Variants in MEIOB observed in about 807,000 individuals in gnomAD.
MEIOB encodes meiosis specific with OB-fold.
MEIOB carries 50 observed loss-of-function variants against 53.1 expected under a neutral mutation model. The ratio of observed to expected loss-of-function variants is 0.94; its 90% CI spans 0.75 to 1.19. The LOEUF (loss-of-function observed/expected upper bound fraction) is 1.19. Ranked by LOEUF, MEIOB falls within the 50% of genes most tolerant of loss-of-function variation. MEIOB has a pLI of 0.00. For missense variants in MEIOB, 551 were observed against 550.8 expected (o/e 1.00, Z 0.00); for synonymous variants, 192 against 182.5 (o/e 1.05, Z -0.42).
intron 1 of MEIOB, among the ~76,000 whole-genome samples, chr16:1,870,355 G>C (rs901175668): frequency 6.6e-6 from 1 of 152,142 alleles, no homozygotes; most frequent in African/African-American, 2.4e-5. Context: ...AAAATTGTAA[G>C]CTACACCAAA....
At chr16:1,838,831 A>G (rs570510463) in intron 12 of MEIOB, among the ~76,000 whole-genome samples, 65 of 152,254 alleles carry the variant, frequency 4.3e-4, no homozygotes, top group Non-Finnish European at 7.6e-4. Flanking sequence ...AGCTAGGATT[A>G]CAAGTGCACG....
intron 1 of MEIOB, among the ~76,000 whole-genome samples, chr16:1,869,340 G>C (rs996501768): frequency 6.6e-6 from 1 of 151,958 alleles, no homozygotes. Flanking sequence ...GGCCAGGCTG[G>C]TCTTGAACTC....
At chr16:1,835,278 TATAAC>T (rs955728916) in intron 13 of MEIOB, among the ~76,000 whole-genome samples, 10 of 150,886 alleles carry the variant, frequency 6.6e-5, no homozygotes, top group African/African-American at 2.4e-4. Flanking sequence ...AAAAAAAAAG[TATAAC>T]ATATGAAAAA....
At position 1,868,768 on chromosome 16, in the gene MEIOB, T is replaced by C. The variant is rs548848926; in HGVS notation, c.-9-584A>G. On this transcript the variant is annotated intron_variant, in intron 1 of 13. Transcript: ENST00000325962. Reference sequence around the variant, plus strand: ...TACTCGGGAGGCTGAGGCAGGAGAATGGCGTGAACCCGGGAGGCGGAGCTT... The same window carrying C: ...TACTCGGGAGGCTGAGGCAGGAGAACGGCGTGAACCCGGGAGGCGGAGCTT... Among the ~76,000 whole-genome samples, 28 of 149,668 alleles carry C rather than the reference T, an allele frequency of 1.9e-4. No homozygotes were observed. The South Asian group carries it at 4.3e-3, about 23-fold the overall frequency.
intron 13 of MEIOB, among the ~76,000 whole-genome samples, chr16:1,835,383 T>TA (rs1055662848): frequency 6.6e-6 from 1 of 152,278 alleles, no homozygotes; most frequent in East Asian, 1.9e-4. Flanking sequence ...TATGATGACA[T>TA]AATTTAATAA....
Position 1,853,027 on chromosome 16 carries a change from A to C in MEIOB, c.778+12T>G, listed in dbSNP as rs1899209858. 1 of 1,568,196 alleles carries C rather than the reference A, an allele frequency of 6.4e-7. No individual in the cohort carries two copies. The highest frequency in any genetic ancestry group is 1.4e-5 in the African/African-American group (1 of 73,942). The stretch of plus-strand genomic sequence containing the variant: ...TTTCCAAAGGGATAAAAGGTTTCAC[A>C]AAGTTTTTTACCTGGATTAGTTGTA... On this transcript the variant is annotated intron_variant, in intron 9 of 13. Coordinates refer to ENST00000325962, the MANE Select transcript of MEIOB (RefSeq NM_001163560.3).
Position 1,851,091 on chromosome 16 carries a change from C to T in MEIOB, c.778+1948G>A, listed in dbSNP as rs1017258400. On this transcript the variant is annotated intron_variant, in intron 9 of 13. Coordinates refer to ENST00000325962, the MANE Select transcript of MEIOB (RefSeq NM_001163560.3). Reference sequence around the variant, plus strand: ...GCAGTCAGAGCAAACCTCTCAGAGCCGAGTCAGATGCTGTCACCGCTCTGC... The same window carrying T: ...GCAGTCAGAGCAAACCTCTCAGAGCTGAGTCAGATGCTGTCACCGCTCTGC... Among the ~76,000 whole-genome samples, 6 of 152,096 alleles carry T rather than the reference C, an allele frequency of 3.9e-5. No homozygotes were observed. In the East Asian group the frequency reaches 5.8e-4, roughly 15 times the overall value.
intron 6 of MEIOB, among the ~76,000 whole-genome samples, chr16:1,856,068 C>T (rs1247275315): frequency 6.6e-6 from 1 of 151,932 alleles, no homozygotes; most frequent in Non-Finnish European, 1.5e-5. Context: ...CATCTCAGCT[C>T]ATTGCAACCT....
chr16:1,857,366 T>C (rs1192069211), intron 6 of MEIOB, among the ~76,000 whole-genome samples: 1 of 152,210 alleles, frequency 6.6e-6, no homozygotes, highest in African/African-American at 2.4e-5. Context: ...AACTGATCCC[T>C]TAACTTATTC....
At chr16:1,863,467 A>C (rs1387605125) in intron 3 of MEIOB, among the ~76,000 whole-genome samples, 3 of 151,036 alleles carry the variant, frequency 2.0e-5, no homozygotes, top group African/African-American at 2.4e-5. Flanking sequence ...GCTCACAGCA[A>C]CCTCTGCCTC....
At position 1,845,846 on chromosome 16, in the gene MEIOB, C is replaced by A. The variant is rs568851421; in HGVS notation, c.779-883G>T. ...CATGATGCCCTTGGACCCCAGGACC[C>A]CAGCCTCCGGCATATGATTAAGTAC... is the stretch of plus-strand genomic sequence containing the variant. On this transcript the variant is annotated intron_variant, in intron 9 of 13. Coordinates refer to ENST00000325962, the MANE Select transcript of MEIOB (RefSeq NM_001163560.3). 3.3e-5 allele frequency among the ~76,000 whole-genome samples: 5 copies of A among 152,188 alleles called. No individual in the cohort carries two copies. The South Asian group carries it at 1.0e-3, about 32-fold the overall frequency.
chr16:1,851,967 C>T (rs1899182158), intron 9 of MEIOB, among the ~76,000 whole-genome samples: 1 of 152,178 alleles, frequency 6.6e-6, no homozygotes, highest in African/African-American at 2.4e-5. Context: ...TCCCTCATCT[C>T]CCCAATCTGG....
At chr16:1,857,259 C>G (rs1003608659) in intron 6 of MEIOB, among the ~76,000 whole-genome samples, 1 of 152,158 alleles carries the variant, frequency 6.6e-6, no homozygotes, top group Non-Finnish European at 1.5e-5. Context: ...CCAGCATGGT[C>G]CCACTGCACC....
intron 11 of MEIOB, chr16:1,841,012 CTTTTTTTTTTTTT>C (rs57826143): frequency 9.4e-6 from 1 of 106,460 alleles, no homozygotes; most frequent in African/African-American, 3.7e-5. Context: ...TCTTTTCTTT[CTTTTTTTTTTTTT>C]TTTTTTTTGA....
intron 12 of MEIOB, 172 bp from the exon 13 acceptor site, chr16:1,838,042 G>A (rs1263209433): frequency 7.8e-7 from 1 of 1,289,572 alleles, no homozygotes; most frequent in African/African-American, 1.5e-5. Context: ...TGTCGCCCAA[G>A]CTGGAGTGCA....
intron 10 of MEIOB, among the ~76,000 whole-genome samples, chr16:1,843,982 A>G (rs1898973124): frequency 6.6e-6 from 1 of 152,096 alleles, no homozygotes; most frequent in African/African-American, 2.4e-5. Context: ...CTTCAATAAA[A>G]AGATGGTGAT....
Position 1,862,692 on chromosome 16 carries a change from G to A in MEIOB, c.128-576C>T, listed in dbSNP as rs566220788. On this transcript the variant is annotated intron_variant, in intron 3 of 13. Coordinates refer to ENST00000325962, the MANE Select transcript of MEIOB (RefSeq NM_001163560.3). Reference sequence around the variant, plus strand: ...TCCTAACACTTTGGGAGCCCGAGGCGGGTGGATCACCTGAGGTTAGTTCAA... The same window carrying A: ...TCCTAACACTTTGGGAGCCCGAGGCAGGTGGATCACCTGAGGTTAGTTCAA... Among the ~76,000 whole-genome samples, 416 of 152,090 alleles carry A rather than the reference G, an allele frequency of 2.7e-3. 1 individual carries two copies. Among genetic ancestry groups the A allele is most frequent in the Non-Finnish European group, 4.7e-3 (322 of 67,994 alleles).
chr16:1,868,613 T>C (rs942999074), intron 1 of MEIOB, among the ~76,000 whole-genome samples: 2 of 151,966 alleles, frequency 1.3e-5, no homozygotes, highest in African/African-American at 4.8e-5. Flanking sequence ...CCCAGCACTT[T>C]TGGAGGCCGA....
intron 9 of MEIOB, among the ~76,000 whole-genome samples, chr16:1,849,368 C>T (rs1053837312): frequency 2.0e-5 from 3 of 152,000 alleles, no homozygotes; most frequent in African/African-American, 7.3e-5. Flanking sequence ...CATGGTGAAA[C>T]CCCGTCTCTA....
Sources: gnomAD v4.1 joint callset for allele counts (sites outside exome capture counted in the v4.1 genomes callset) on GRCh38, gnomAD v4.1.1 for gene constraint, MANE v1.5 for transcripts, NCBI Gene and HGNC (gene_info 2026-07-23, HGNC 2026-07-21) for gene names.